PTPRG: variants seen among roughly 807,000 people sequenced by gnomAD.
PTPRG encodes the protein protein tyrosine phosphatase receptor type G.
PTPRG carries 102 observed loss-of-function variants against 165.3 expected under a neutral mutation model. That is an observed-to-expected ratio of 0.62 (90% CI 0.53 to 0.73). PTPRG has a LOEUF of 0.73. Ranked by LOEUF, PTPRG falls within the 30% of genes least tolerant of loss-of-function variation. The pLI, the probability that PTPRG is intolerant of heterozygous loss-of-function variation, is 0.00. For synonymous variants in PTPRG, 675 were observed against 669.5 expected (o/e 1.01, Z -0.13); for missense variants, 1,866 against 1,861.4 (o/e 1.00, Z -0.05).
chr3:61,721,525 AT>A (rs2032042947), intron 1 of PTPRG, among the ~76,000 whole-genome samples: 1 of 152,180 alleles, frequency 6.6e-6, no homozygotes, highest in Non-Finnish European at 1.5e-5. Context: ...CAGCCAACTG[AT>A]GGGGTTTGAC....
intron 1 of PTPRG, among the ~76,000 whole-genome samples, chr3:61,583,572 C>T (rs1404084124): frequency 6.6e-6 from 1 of 152,200 alleles, no homozygotes; most frequent in South Asian, 2.1e-4. Context: ...GCTAATAGGA[C>T]CTTTGCTACT....
At chr3:62,041,002 G>A (rs1004519086) in intron 4 of PTPRG, among the ~76,000 whole-genome samples, 1 of 152,180 alleles carries the variant, frequency 6.6e-6, no homozygotes, top group Non-Finnish European at 1.5e-5. Context: ...TTGAGTCCTG[G>A]CTCTGCCCAC....
At chr3:61,605,847 A>G (rs946794818) in intron 1 of PTPRG, among the ~76,000 whole-genome samples, 1 of 152,158 alleles carries the variant, frequency 6.6e-6, no homozygotes, top group Non-Finnish European at 1.5e-5. Flanking sequence ...CAGTGGGACT[A>G]CAGATGTGAG....
chr3:61,965,487 C>CAA (rs56210593), intron 2 of PTPRG, among the ~76,000 whole-genome samples: 11,180 of 80,002 alleles, frequency 0.14, 1,055 homozygotes, highest in African/African-American at 0.27. Context: ...GACTCCGTCT[C>CAA]AAAAAAAAAA....
intron 1 of PTPRG, among the ~76,000 whole-genome samples, chr3:61,625,543 TG>T (rs1026879126): frequency 6.6e-6 from 1 of 152,176 alleles, no homozygotes; most frequent in African/African-American, 2.4e-5. Flanking sequence ...AGTATTCACT[TG>T]GGTGTGTTTC....
At chr3:62,009,594 GT>G (rs1304460048) in intron 4 of PTPRG, among the ~76,000 whole-genome samples, 1 of 152,108 alleles carries the variant, frequency 6.6e-6, no homozygotes, top group East Asian at 1.9e-4. Flanking sequence ...CCTGGAATAC[GT>G]CTGTCACATT....
At chr3:61,919,158 T>C (rs774857026) in intron 2 of PTPRG, among the ~76,000 whole-genome samples, 1 of 152,228 alleles carries the variant, frequency 6.6e-6, no homozygotes, top group African/African-American at 2.4e-5. Flanking sequence ...TAAGCATTGC[T>C]TTTGAACTGC....
At chr3:61,990,298 A>G (rs575557355) in intron 3 of PTPRG, among the ~76,000 whole-genome samples, 123 of 152,308 alleles carry the variant, frequency 8.1e-4, no homozygotes, top group African/African-American at 2.6e-3. Context: ...AGAAAGTTCT[A>G]TCAGGTAACA....
intron 4 of PTPRG, among the ~76,000 whole-genome samples, chr3:62,038,848 A>G (rs535142061): frequency 1.5e-3 from 225 of 152,212 alleles, no homozygotes; most frequent in Admixed American, 3.3e-3. Flanking sequence ...GGCTTGTTAT[A>G]TAGCTAAACT....
At chr3:61,625,938 C>T (rs1229253569) in intron 1 of PTPRG, among the ~76,000 whole-genome samples, 1 of 152,034 alleles carries the variant, frequency 6.6e-6, no homozygotes, top group African/African-American at 2.4e-5. Flanking sequence ...GCATTGAGAC[C>T]ATTACCTCCT....
intron 2 of PTPRG, among the ~76,000 whole-genome samples, chr3:61,809,200 T>A (rs1403542524): frequency 6.6e-6 from 1 of 151,348 alleles, no homozygotes; most frequent in East Asian, 1.9e-4. Context: ...ACAAAATGAA[T>A]AAGCAGCAGA....
chr3:62,181,608 A>C (rs1705653437), intron 8 of PTPRG, among the ~76,000 whole-genome samples: 1 of 152,200 alleles, frequency 6.6e-6, no homozygotes, highest in Non-Finnish European at 1.5e-5. Context: ...GTAATTATAT[A>C]TGCCTTAGTG....
intron 1 of PTPRG, among the ~76,000 whole-genome samples, chr3:61,667,627 G>C (rs910163747): frequency 7.2e-5 from 11 of 152,028 alleles, no homozygotes; most frequent in Non-Finnish European, 1.5e-4. Context: ...AGGCAAAGTC[G>C]ACTGCCCAGA....
intron 2 of PTPRG, among the ~76,000 whole-genome samples, chr3:61,836,222 A>G (rs2036457162): frequency 6.6e-6 from 1 of 151,728 alleles, no homozygotes; most frequent in African/African-American, 2.4e-5. Context: ...TTTCCAAACC[A>G]TTGTTCTTTG....
chr3:62,074,711 C>T (rs1362311906), intron 4 of PTPRG, among the ~76,000 whole-genome samples: 1 of 152,084 alleles, frequency 6.6e-6, no homozygotes, highest in Non-Finnish European at 1.5e-5. Context: ...GTGAGCATCA[C>T]TTAGATTAAC....
At chr3:61,740,777 CTT>C (rs1359920180) in intron 1 of PTPRG, among the ~76,000 whole-genome samples, 1 of 151,868 alleles carries the variant, frequency 6.6e-6, no homozygotes, top group East Asian at 1.9e-4. Flanking sequence ...TATTAGGTCT[CTT>C]TATTCATGTA....
chr3:62,281,551 T>TTTTG lies in PTPRG; in HGVS notation c.3766-12_3766-11insTTTG, dbSNP rs1553667465. On this transcript the variant is annotated splice_polypyrimidine_tract_variant and intron_variant, in intron 26 of 29. Coordinates refer to ENST00000474889, the MANE Select transcript of PTPRG (RefSeq NM_002841.4). ...GAACTGCAGAGGCTTTTTTTTTTTT[T>TTTTG]GGATTCCAAAGGCAGAAGATGAGTT... 15 of 1,466,878 alleles carry TTTTG rather than the reference T, an allele frequency of 1.0e-5. No homozygotes were observed. In the South Asian group the frequency reaches 1.9e-4, roughly 19 times the overall value. 90.9% of individuals were successfully genotyped at this position (1,466,878 alleles called of 1,614,324 possible).
chr3:61,605,057 T>C (rs548596140), intron 1 of PTPRG, among the ~76,000 whole-genome samples: 1 of 152,258 alleles, frequency 6.6e-6, no homozygotes, highest in South Asian at 2.1e-4. Flanking sequence ...CATGCCACAC[T>C]CTGTCCTTCA....
At chr3:62,062,396 T>A (rs917230593) in intron 4 of PTPRG, among the ~76,000 whole-genome samples, 17 of 152,176 alleles carry the variant, frequency 1.1e-4, no homozygotes, top group African/African-American at 4.1e-4. Context: ...TCTAGGTGGG[T>A]TGTATACAGG....
Sources: allele counts gnomAD v4.1 joint callset (sites outside exome capture counted in the v4.1 genomes callset), GRCh38; gene constraint gnomAD v4.1.1; transcripts MANE v1.5; gene names NCBI Gene and HGNC (gene_info 2026-07-23, HGNC 2026-07-21).